MED15: variants seen among roughly 807,000 people sequenced by gnomAD.
MED15 encodes mediator of RNA polymerase II transcription subunit 15.
In MED15, 41 loss-of-function variants were observed where a neutral mutation model predicts 118.7. The observed-to-expected ratio is 0.35, with a 90% confidence interval of 0.27 to 0.45. The LOEUF is 0.45. MED15 is among the 20% of genes least tolerant of loss of function. MED15 has a pLI of 1.00. For synonymous variants in MED15, 436 were observed against 413.9 expected (o/e 1.05, Z -0.65); for missense variants, 740 against 1,025.5 (o/e 0.72, Z 3.80).
At chr22:20,555,193 C>T (rs755516466) in intron 5 of MED15, 45 bp downstream of exon 5, 42 of 1,492,752 alleles carry the variant, frequency 2.8e-5, no homozygotes, top group East Asian at 4.9e-5. Context: ...TCCTTGCAAA[C>T]GACAACACAT....
chr22:20,523,341 TTGAC>T (rs1336579260), intron 1 of MED15, among the ~76,000 whole-genome samples: 3 of 151,800 alleles, frequency 2.0e-5, no homozygotes, highest in African/African-American at 7.3e-5. Flanking sequence ...AGATAAGCAT[TTGAC>T]TTCCTTTTTT....
In MED15 at chr22:20,564,492, A is replaced by G. The variant is rs202141218; in HGVS notation, c.494A>G (p.Gln165Arg). 1 of 1,610,876 alleles carries G rather than the reference A, an allele frequency of 6.2e-7. No homozygotes were observed. The highest frequency in any genetic ancestry group is 2.2e-5 in the East Asian group (1 of 44,840). ...LQQVALQQQQ[Q>R]QQQFQQQQQA... ...CAGGTGGCGCTGCAGCAGCAGCAGC[A>G]ACAGCAGCAGTTCCAGCAGCAGCAG... is the stretch of plus-strand genomic sequence containing the variant. Residue 165 changes from glutamine (Q) to arginine (R), a missense_variant, in exon 6 of 18, where the codon CAA (glutamine) becomes CGA (arginine). Gln to Arg is a conservative substitution (Grantham distance 43). Coordinates refer to ENST00000263205, the MANE Select transcript of MED15 (RefSeq NM_001003891.3).
Position 20,537,200 on chromosome 22 carries a change from C to G in MED15, c.152C>G (p.Thr51Ser). ...MESHVFLKAKTRDEYLSLVAR... is the reference protein window; with the variant it reads ...MESHVFLKAKSRDEYLSLVAR... ...AGCCATGTTTTCCTGAAGGCCAAGA[C>G]CCGGGTAAGGCCCTAGTAAGTGGAG... The change falls in exon 2 of 18, where the codon ACC (threonine) becomes AGC (serine). Residue 51 changes from threonine to serine, a missense_variant. Thr to Ser is a moderately conservative substitution (Grantham distance 58, BLOSUM62 1). Coordinates refer to ENST00000263205, the MANE Select transcript of MED15 (RefSeq NM_001003891.3). 1 of 1,612,598 alleles carries G rather than the reference C, an allele frequency of 6.2e-7. No individual in the cohort carries two copies. The highest frequency in any genetic ancestry group is 8.5e-7 in the Non-Finnish European group (1 of 1,179,494).
chr22:20,560,510 T>A (rs1252432705), intron 5 of MED15, among the ~76,000 whole-genome samples: 2 of 152,238 alleles, frequency 1.3e-5, no homozygotes, highest in Middle Eastern at 3.4e-3. Flanking sequence ...TGATCTGCCC[T>A]CCTTGGCCTC....
intron 9 of MED15, among the ~76,000 whole-genome samples, chr22:20,578,819 C>T (rs143942308): frequency 6.6e-6 from 1 of 152,334 alleles, no homozygotes; most frequent in African/African-American, 2.4e-5. Context: ...CTTGTGGCAA[C>T]AAATTAGGTC....
chr22:20,523,323 C>T (rs939127252), intron 1 of MED15, among the ~76,000 whole-genome samples: 1 of 151,860 alleles, frequency 6.6e-6, no homozygotes, highest in Non-Finnish European at 1.5e-5. Context: ...AATCATCCCA[C>T]GGGCTTGAGA....
In MED15 at chr22:20,507,613, T is replaced by C; in HGVS notation, c.-66T>C. 1 of 1,602,608 alleles carries C rather than the reference T, an allele frequency of 6.2e-7. No homozygotes were observed. On this transcript the variant is annotated 5_prime_UTR_variant, in exon 1 of 18. Coordinates refer to ENST00000263205, the MANE Select transcript of MED15 (RefSeq NM_001003891.3). ...GACGGCTTCCGGGTTTGGGCCTGGCTCTGTGACTGAGGCGGCGGCGGTGGC... is the reference window on the plus strand; with the variant it reads ...GACGGCTTCCGGGTTTGGGCCTGGCCCTGTGACTGAGGCGGCGGCGGTGGC...
intron 3 of MED15, 139 bp from the exon 4 acceptor site, chr22:20,553,005 TC>T: frequency 6.9e-6 from 5 of 723,948 alleles, no homozygotes; most frequent in Non-Finnish European, 1.2e-5. Context: ...TAGAAACACT[TC>T]CCCCAGTAGT....
At chr22:20,543,854 G>A (rs987969246) in intron 2 of MED15, among the ~76,000 whole-genome samples, 3 of 152,128 alleles carry the variant, frequency 2.0e-5, no homozygotes, top group African/African-American at 4.8e-5. Flanking sequence ...CACTGTGCCC[G>A]GCCCAAGCTG....
intron 9 of MED15, chr22:20,582,392 C>A: frequency 1.5e-6 from 1 of 687,382 alleles, no homozygotes; most frequent in Non-Finnish European, 2.4e-6. Flanking sequence ...GCAAGGGCTG[C>A]CCTGCCTGGG....
chr22:20,566,970 A>G (rs1442493999), intron 7 of MED15, among the ~76,000 whole-genome samples, 153 bp downstream of exon 7: 2 of 152,196 alleles, frequency 1.3e-5, no homozygotes, highest in African/African-American at 4.8e-5. Flanking sequence ...CGACTCTAGC[A>G]TGGCTCAGCA....
At chr22:20,514,846 G>C (rs924715367) in intron 1 of MED15, among the ~76,000 whole-genome samples, 25 of 152,208 alleles carry the variant, frequency 1.6e-4, no homozygotes, top group South Asian at 4.1e-4. Flanking sequence ...AGTCAGCCTT[G>C]GCGGAGCTTT....
intron 8 of MED15, among the ~76,000 whole-genome samples, chr22:20,569,103 G>A (rs1232142191): frequency 2.6e-5 from 4 of 152,114 alleles, no homozygotes; most frequent in Admixed American, 1.3e-4. Flanking sequence ...CAGGGACTCC[G>A]GCGCTGTGTG....
rs1272014091 is a variant in MED15, at chr22:20,564,606, T to C, written c.608T>C (p.Val203Ala). The change falls in exon 6 of 18, where the codon GTA (valine) becomes GCA (alanine). Residue 203 changes from valine (V) to alanine (A), a missense_variant. By Grantham distance (64) the Val-to-Ala change is moderately conservative. Coordinates refer to ENST00000263205, the MANE Select transcript of MED15 (RefSeq NM_001003891.3). ...QSAMQQQFQA[V>A]VQQQQQLQQQ... ...GCCATGCAGCAGCAGTTCCAAGCAGTAGTGCAGCAGCAGCAGCAGCTCCAG... is the reference window on the plus strand; with the variant it reads ...GCCATGCAGCAGCAGTTCCAAGCAGCAGTGCAGCAGCAGCAGCAGCTCCAG... 2 of 1,611,030 alleles carry C rather than the reference T, an allele frequency of 1.2e-6. No individual in the cohort carries two copies. The highest frequency in any genetic ancestry group is 1.7e-5 in the Admixed American group (1 of 59,738).
chr22:20,562,681 C>T (rs1387039315), intron 5 of MED15, among the ~76,000 whole-genome samples: 4 of 152,064 alleles, frequency 2.6e-5, no homozygotes, highest in South Asian at 2.1e-4. Flanking sequence ...CGCGACCCGC[C>T]GGTCATACAT....
intron 1 of MED15, among the ~76,000 whole-genome samples, chr22:20,514,023 C>T (rs1316299463): frequency 6.6e-6 from 1 of 152,120 alleles, no homozygotes; most frequent in Non-Finnish European, 1.5e-5. Flanking sequence ...TGCCACCAGG[C>T]CCAGCTAATT....
At chr22:20,537,540 G>C (rs940023200) in intron 2 of MED15, among the ~76,000 whole-genome samples, 1 of 152,194 alleles carries the variant, frequency 6.6e-6, no homozygotes, top group Non-Finnish European at 1.5e-5. Flanking sequence ...GCAAGAACCT[G>C]GTTTGTCCTC....
chr22:20,561,518 C>CAA (rs949696110), intron 5 of MED15, among the ~76,000 whole-genome samples: 1 of 114,974 alleles, frequency 8.7e-6, no homozygotes, highest in Non-Finnish European at 1.8e-5. Flanking sequence ...GATTCCATCT[C>CAA]AAAAAAAAAA....
chr22:20,587,052 C>T lies in MED15; in HGVS notation c.*348C>T, dbSNP rs1443234332. On this transcript the variant is annotated 3_prime_UTR_variant, in exon 18 of 18. Coordinates refer to ENST00000263205, the MANE Select transcript of MED15 (RefSeq NM_001003891.3). ...GGGTGCACTCAGGGTGTTGTTAGAG[C>T]GTCTCGTGTGTGCTAGACGCACCCC... is the stretch of plus-strand genomic sequence containing the variant. 2.3e-5 allele frequency: 8 copies of T among 354,214 alleles called. No homozygotes were observed. Among genetic ancestry groups the T allele is most frequent in the South Asian group, 4.4e-5 (1 of 22,646 alleles). 21.9% of individuals were successfully genotyped at this position (354,214 alleles called of 1,614,324 possible).
Sources: allele counts gnomAD v4.1 joint callset (sites outside exome capture counted in the v4.1 genomes callset), GRCh38; gene constraint gnomAD v4.1.1; transcripts MANE v1.5; gene names NCBI Gene and HGNC (gene_info 2026-07-23, HGNC 2026-07-21).